The following CSMD1 variants were observed in gnomAD, a reference collection of about 807,000 sequenced individuals.
CSMD1 encodes the protein CUB and Sushi multiple domains 1.
A neutral mutation model predicts 417.5 loss-of-function variants in CSMD1; 213 were observed. The ratio of observed to expected loss-of-function variants is 0.51; its 90% CI spans 0.46 to 0.57. The LOEUF (loss-of-function observed/expected upper bound fraction) is 0.57, where lower values mean the gene tolerates loss of function less well. Ranked by LOEUF, CSMD1 falls within the 20% of genes least tolerant of loss-of-function variation. The pLI, the probability that CSMD1 is intolerant of heterozygous loss-of-function variation, is 0.00. For synonymous variants in CSMD1, 2,862 were observed against 1,736.8 expected (o/e 1.65, Z -16.11); for missense variants, 6,923 against 4,529.7 (o/e 1.53, Z -15.17).
chr8:4,414,935 G>A (rs140053459), intron 3 of CSMD1, among the ~76,000 whole-genome samples: 4 of 152,068 alleles, frequency 2.6e-5, no homozygotes, highest in African/African-American at 9.7e-5. Flanking sequence ...TCCATGTTCT[G>A]TCTTCTCCCT....
At chr8:2,957,130 T>C (rs1026826252) in intron 63 of CSMD1, among the ~76,000 whole-genome samples, 1 of 152,172 alleles carries the variant, frequency 6.6e-6, no homozygotes, top group Non-Finnish European at 1.5e-5. Flanking sequence ...CTAATTCTCA[T>C]GATTAAGTCA....
chr8:3,960,339 A>T (rs756841892), intron 5 of CSMD1, among the ~76,000 whole-genome samples: 3 of 152,194 alleles, frequency 2.0e-5, no homozygotes, highest in Non-Finnish European at 4.4e-5. Flanking sequence ...TTCCAAATGT[A>T]ATTGACACCC....
At chr8:2,986,776 T>A (rs1805947256) in intron 54 of CSMD1, among the ~76,000 whole-genome samples, 1 of 152,146 alleles carries the variant, frequency 6.6e-6, no homozygotes, top group Non-Finnish European at 1.5e-5. Flanking sequence ...AGTGCTGGGA[T>A]TACAGGCGTG....
chr8:4,004,256 A>C (rs1033097891), intron 4 of CSMD1, among the ~76,000 whole-genome samples: 3 of 152,110 alleles, frequency 2.0e-5, no homozygotes, highest in Non-Finnish European at 4.4e-5. Context: ...ACATCTAAAA[A>C]ACATCCCAGT....
chr8:4,745,194 T>C (rs964607216), intron 1 of CSMD1, among the ~76,000 whole-genome samples: 1 of 152,202 alleles, frequency 6.6e-6, no homozygotes, highest in African/African-American at 2.4e-5. Context: ...AACCTTAATT[T>C]TGTATACATA....
chr8:3,736,685 G>T (rs969223809), intron 6 of CSMD1, among the ~76,000 whole-genome samples: 3 of 152,198 alleles, frequency 2.0e-5, no homozygotes, highest in Non-Finnish European at 2.9e-5. Flanking sequence ...AGCTTCCGCA[G>T]AATGGAGCTG....
chr8:4,197,347 T>C (rs1799397841), intron 3 of CSMD1, among the ~76,000 whole-genome samples: 1 of 152,182 alleles, frequency 6.6e-6, no homozygotes. Context: ...GCCCAGATAT[T>C]TGGTCAGACA....
chr8:3,283,184 T>A (rs558862776), intron 26 of CSMD1, among the ~76,000 whole-genome samples: 7 of 151,870 alleles, frequency 4.6e-5, no homozygotes, highest in Non-Finnish European at 1.0e-4. Context: ...ATCCCTAAGG[T>A]GGAAAAAAAA....
At chr8:4,018,042 C>T (rs986391813) in intron 4 of CSMD1, among the ~76,000 whole-genome samples, 2 of 151,116 alleles carry the variant, frequency 1.3e-5, no homozygotes, top group African/African-American at 4.9e-5. Flanking sequence ...ACCCATGAAA[C>T]TGTCACTAGT....
chr8:3,364,954 T>C (rs1809456426), intron 20 of CSMD1, among the ~76,000 whole-genome samples: 1 of 152,184 alleles, frequency 6.6e-6, no homozygotes, highest in Non-Finnish European at 1.5e-5. Context: ...ATGAATAGAA[T>C]TTGCACAGAC....
chr8:4,822,428 G>A lies in CSMD1; in HGVS notation c.85+171904C>T, dbSNP rs568705388. 1.9e-4 allele frequency among the ~76,000 whole-genome samples: 29 copies of A among 152,140 alleles called. 1 individual carries two copies. The highest frequency in any genetic ancestry group is 6.7e-4 in the African/African-American group (28 of 41,506). On this transcript the variant is annotated intron_variant, in intron 1 of 69. Transcript: ENST00000635120. ...ATTTTTTTAAAAAGATAATCTATATGCCTTTAAGAGGATTCCAAAAAATGT... is the reference window on the plus strand; with the variant it reads ...ATTTTTTTAAAAAGATAATCTATATACCTTTAAGAGGATTCCAAAAAATGT...
rs773511359 is a variant in CSMD1, at chr8:2,962,488, G to A, written c.9606C>T (p.Ser3202=). Residue 3202 remains serine, a synonymous_variant, in exon 61 of 70, where the codon AGC becomes AGT. Transcript: ENST00000635120. ...RRVCQADGTW[S]GIQPTCIDPA... The stretch of plus-strand genomic sequence containing the variant: ...TACCAATGCAGGTGGGTTGTATGCC[G>A]CTCCACGTGCCGTCAGCTTGGCAGA... 28 of 1,613,758 alleles carry A rather than the reference G, an allele frequency of 1.7e-5. No homozygotes were observed. The highest frequency in any genetic ancestry group is 1.5e-4 in the Admixed American group (9 of 60,006).
chr8:4,488,712 G>T (rs1205118468), intron 2 of CSMD1, among the ~76,000 whole-genome samples: 1 of 151,912 alleles, frequency 6.6e-6, no homozygotes, highest in African/African-American at 2.4e-5. Context: ...TGGATATGTG[G>T]CATCTGTCAG....
intron 3 of CSMD1, among the ~76,000 whole-genome samples, chr8:4,137,264 G>A (rs2131001940): frequency 6.6e-6 from 1 of 152,274 alleles, no homozygotes; most frequent in South Asian, 2.1e-4. Context: ...ATGAGAAATT[G>A]ATAAAGAAAC....
intron 1 of CSMD1, among the ~76,000 whole-genome samples, chr8:4,949,915 T>C (rs879356810): frequency 1.2e-4 from 4 of 33,294 alleles, no homozygotes; most frequent in African/African-American, 2.1e-4. Flanking sequence ...CCAACTTGAG[T>C]GTGTGTGTGT....
chr8:3,437,139 G>T (rs552704403), intron 12 of CSMD1, among the ~76,000 whole-genome samples: 2 of 152,058 alleles, frequency 1.3e-5, no homozygotes, highest in African/African-American at 4.8e-5. Context: ...GGTAGGGAGG[G>T]AAAAAAATCA....
intron 3 of CSMD1, among the ~76,000 whole-genome samples, chr8:4,147,480 C>T (rs1018106629): frequency 1.3e-5 from 2 of 152,138 alleles, no homozygotes; most frequent in Non-Finnish European, 1.5e-5. Flanking sequence ...ACATGATTGC[C>T]TTTGTGCTCC....
intron 37 of CSMD1, among the ~76,000 whole-genome samples, chr8:3,179,245 T>A (rs1020939588): frequency 2.6e-5 from 4 of 152,162 alleles, no homozygotes; most frequent in South Asian, 2.1e-4. Context: ...GCGCCCAGCC[T>A]ATAATCTATA....
At chr8:3,443,506 T>A (rs1283125397) in intron 12 of CSMD1, among the ~76,000 whole-genome samples, 1 of 152,228 alleles carries the variant, frequency 6.6e-6, no homozygotes, top group Non-Finnish European at 1.5e-5. Flanking sequence ...GTGCGTCTGT[T>A]TCTTAAAAGC....
Sources: allele counts gnomAD v4.1 joint callset (sites outside exome capture counted in the v4.1 genomes callset), GRCh38; gene constraint gnomAD v4.1.1; transcripts MANE v1.5; gene names NCBI Gene and HGNC (gene_info 2026-07-23, HGNC 2026-07-21).